TBC1D5: variants seen among roughly 807,000 people sequenced by gnomAD.
The protein encoded by TBC1D5 is TBC1 domain family, member 5.
In TBC1D5, 75 loss-of-function variants were observed where a neutral mutation model predicts 100.3. The observed-to-expected ratio is 0.75, with a 90% confidence interval of 0.62 to 0.91. The LOEUF is 0.91. Ranked by LOEUF, TBC1D5 falls within the 40% of genes least tolerant of loss-of-function variation. The pLI is 0.00. For missense variants in TBC1D5, 910 were observed against 942.4 expected, an observed-to-expected ratio of 0.97 and a Z score of 0.45; for synonymous variants, 323 against 325.6, an observed-to-expected ratio of 0.99 and a Z score of 0.09.
At chr3:17,724,075 CTTTT>C (rs969049204) in intron 1 of TBC1D5, among the ~76,000 whole-genome samples, 3 of 131,042 alleles carry the variant, frequency 2.3e-5, no homozygotes, top group South Asian at 2.4e-4. Flanking sequence ...CGATTGGCAA[CTTTT>C]TTTTTTTTTT....
chr3:17,262,758 G>A (rs1041434871), intron 15 of TBC1D5, among the ~76,000 whole-genome samples: 1 of 151,914 alleles, frequency 6.6e-6, no homozygotes, highest in African/African-American at 2.4e-5. Flanking sequence ...TGGGATTACA[G>A]GCGTGAGCCA....
intron 13 of TBC1D5, among the ~76,000 whole-genome samples, chr3:17,352,532 T>C (rs2090727612): frequency 6.6e-6 from 1 of 151,730 alleles, no homozygotes; most frequent in Non-Finnish European, 1.5e-5. Flanking sequence ...TAGAGACTGG[T>C]GAAATTTTAC....
chr3:17,253,769 A>T (rs2077374988), intron 16 of TBC1D5, among the ~76,000 whole-genome samples: 1 of 152,234 alleles, frequency 6.6e-6, no homozygotes, highest in Non-Finnish European at 1.5e-5. Context: ...TTTTTTGTTC[A>T]GCATAATGTT....
intron 3 of TBC1D5, among the ~76,000 whole-genome samples, chr3:17,485,417 C>A (rs890878915): frequency 2.6e-5 from 4 of 151,308 alleles, no homozygotes; most frequent in African/African-American, 9.7e-5. Context: ...ATGTGCCATG[C>A]TGTTGTGCTG....
intron 14 of TBC1D5, among the ~76,000 whole-genome samples, chr3:17,297,181 T>C (rs2082334159): frequency 2.0e-5 from 3 of 152,240 alleles, no homozygotes; most frequent in Non-Finnish European, 2.9e-5. Flanking sequence ...GTTTGTACTA[T>C]GAACTTTGAA....
intron 8 of TBC1D5, among the ~76,000 whole-genome samples, chr3:17,389,077 T>C (rs751692270): frequency 5.9e-5 from 9 of 152,176 alleles, no homozygotes; most frequent in Non-Finnish European, 1.2e-4. Flanking sequence ...CTTTAATCTA[T>C]AGACTTGTCC....
rs1029188502 is a variant in TBC1D5 at position 17,167,554 on chromosome 3, G to C, written c.1932+195C>G. Among the ~76,000 whole-genome samples, 4 of 152,328 alleles carry C rather than the reference G, an allele frequency of 2.6e-5. No homozygotes were observed. In the South Asian group the frequency reaches 8.3e-4, roughly 32 times the overall value. On this transcript the variant is annotated intron_variant, in intron 20 of 21. Coordinates refer to ENST00000253692, the Ensembl canonical transcript of TBC1D5. ...GGTGTGGGAAATGGAAAACCAGCGT[G>C]GGTCGCAAGCTAGTCAGATATAATT...
intron 1 of TBC1D5, among the ~76,000 whole-genome samples, chr3:17,649,279 T>C (rs554187061): frequency 2.6e-5 from 4 of 151,994 alleles, no homozygotes; most frequent in African/African-American, 9.7e-5. Flanking sequence ...TGATAACTTA[T>C]GAACACAAAG....
chr3:17,187,081 C>T (rs1027738934), intron 18 of TBC1D5, among the ~76,000 whole-genome samples: 6 of 152,084 alleles, frequency 3.9e-5, no homozygotes, highest in Non-Finnish European at 5.9e-5. Flanking sequence ...TCACAGGAAA[C>T]TGTAGGAATT....
At chr3:17,170,355 A>G (rs1342555993) in intron 19 of TBC1D5, among the ~76,000 whole-genome samples, 1 of 152,192 alleles carries the variant, frequency 6.6e-6, no homozygotes, top group East Asian at 1.9e-4. Context: ...CAGGAGCATC[A>G]GGACATTTGG....
intron 13 of TBC1D5, chr3:17,333,029 G>C (rs1376931489): frequency 6.6e-6 from 1 of 152,234 alleles, no homozygotes; most frequent in Admixed American, 6.6e-5. Flanking sequence ...CTTCAGATGA[G>C]ATAAATCATA....
chr3:17,403,272 TA>T, intron 7 of TBC1D5, 24 bp from the exon 8 acceptor site: 3 of 1,523,294 alleles, frequency 2.0e-6, no homozygotes, highest in Non-Finnish European at 1.8e-6. Flanking sequence ...AACAATCTAT[TA>T]TATAGTCTCA....
At chr3:17,631,876 T>C (rs779487121) in intron 1 of TBC1D5, among the ~76,000 whole-genome samples, 3 of 152,250 alleles carry the variant, frequency 2.0e-5, no homozygotes, top group Non-Finnish European at 4.4e-5. Context: ...CCAAGAGCTC[T>C]GGTGAAGATG....
chr3:17,525,873 C>T (rs779846069), intron 2 of TBC1D5, among the ~76,000 whole-genome samples: 1 of 151,984 alleles, frequency 6.6e-6, no homozygotes, highest in Non-Finnish European at 1.5e-5. Flanking sequence ...ATTCTCATGA[C>T]CTGGCATATA....
chr3:17,679,017 G>T (rs2069078667), intron 1 of TBC1D5, among the ~76,000 whole-genome samples: 1 of 149,988 alleles, frequency 6.7e-6, no homozygotes, highest in Admixed American at 6.6e-5. Context: ...TCAAGTCTGA[G>T]AGTAAAATAG....
intron 17 of TBC1D5, among the ~76,000 whole-genome samples, chr3:17,221,118 G>A (rs886272643): frequency 2.6e-5 from 4 of 151,810 alleles, no homozygotes; most frequent in Non-Finnish European, 4.4e-5. Context: ...AAAACCATAC[G>A]GGAGGCAGAA....
At chr3:17,577,840 C>T (rs2096667018) in intron 2 of TBC1D5, among the ~76,000 whole-genome samples, 1 of 151,872 alleles carries the variant, frequency 6.6e-6, no homozygotes, top group East Asian at 1.9e-4. Context: ...GAATAAAATG[C>T]CACATAAATA....
At chr3:17,516,226 A>G (rs1194141672) in intron 2 of TBC1D5, among the ~76,000 whole-genome samples, 1 of 152,234 alleles carries the variant, frequency 6.6e-6, no homozygotes, top group Non-Finnish European at 1.5e-5. Context: ...CTTCCATAGC[A>G]GTATTTCCCT....
intron 1 of TBC1D5, among the ~76,000 whole-genome samples, chr3:17,731,479 C>T (rs957788266): frequency 2.7e-5 from 4 of 147,412 alleles, no homozygotes; most frequent in Non-Finnish European, 6.0e-5. Flanking sequence ...GCACTCCAGC[C>T]CGGCGACAAA....
Sources: gnomAD v4.1 joint callset for allele counts (sites outside exome capture counted in the v4.1 genomes callset) on GRCh38, gnomAD v4.1.1 for gene constraint, MANE v1.5 for transcripts, NCBI Gene and HGNC (gene_info 2026-07-23, HGNC 2026-07-21) for gene names.